The following CACNA1D variants were observed in gnomAD, a reference collection of about 807,000 sequenced individuals.
CACNA1D encodes the protein calcium voltage-gated channel subunit alpha1 D, also known as voltage-dependent L-type calcium channel subunit alpha-1D.
Under a neutral mutation model 257.1 loss-of-function variants are expected in CACNA1D, and 55 were observed. That is an observed-to-expected ratio of 0.21 (90% CI 0.17 to 0.27). The LOEUF is 0.27. Ranked by LOEUF, CACNA1D falls within the 10% of genes least tolerant of loss-of-function variation. CACNA1D has a pLI of 1.00. For missense variants in CACNA1D, 1,876 were observed against 2,784.0 expected, an observed-to-expected ratio of 0.67 and a Z score of 7.34; for synonymous variants, 980 against 1,014.9, an observed-to-expected ratio of 0.97 and a Z score of 0.65.
At chr3:53,658,056 A>G (rs780594663) in intron 4 of CACNA1D, among the ~76,000 whole-genome samples, 3 of 152,206 alleles carry the variant, frequency 2.0e-5, no homozygotes, top group Non-Finnish European at 4.4e-5. Context: ...GTGACTCCTC[A>G]TTCTGGTGCT....
chr3:53,775,725 A>G (rs1409246572), intron 34 of CACNA1D, among the ~76,000 whole-genome samples, 161 bp from the exon 35 acceptor site: 2 of 152,246 alleles, frequency 1.3e-5, no homozygotes, highest in East Asian at 1.9e-4. Flanking sequence ...GATAAGTTGC[A>G]CGTGAAAATC....
At chr3:53,516,884 T>G (rs1449911909) in intron 3 of CACNA1D, among the ~76,000 whole-genome samples, 3 of 152,208 alleles carry the variant, frequency 2.0e-5, no homozygotes, top group Non-Finnish European at 4.4e-5. Flanking sequence ...ACCCATAAGA[T>G]GACAAATGAG....
chr3:53,608,209 T>C (rs2093537825), intron 3 of CACNA1D, among the ~76,000 whole-genome samples: 1 of 152,222 alleles, frequency 6.6e-6, no homozygotes, highest in African/African-American at 2.4e-5. Context: ...TCAAATGTTT[T>C]GCATAATTTT....
chr3:53,676,631 A>G (rs1294868714), intron 8 of CACNA1D, among the ~76,000 whole-genome samples: 2 of 152,218 alleles, frequency 1.3e-5, no homozygotes, highest in Non-Finnish European at 2.9e-5. Context: ...TCTGTCAGCC[A>G]TTTGGAAATA....
chr3:53,564,074 T>A (rs1465761177), intron 3 of CACNA1D, among the ~76,000 whole-genome samples: 1 of 152,262 alleles, frequency 6.6e-6, no homozygotes, highest in Non-Finnish European at 1.5e-5. Flanking sequence ...ATTTCTGTGA[T>A]GACTAATGAG....
chr3:53,709,764 A>G (rs2094730352), intron 9 of CACNA1D, among the ~76,000 whole-genome samples: 1 of 152,204 alleles, frequency 6.6e-6, no homozygotes, highest in African/African-American at 2.4e-5. Context: ...TAGTGATGAC[A>G]GTAGTGGTGG....
intron 45 of CACNA1D, among the ~76,000 whole-genome samples, chr3:53,806,875 C>T (rs909614690): frequency 7.2e-5 from 11 of 152,198 alleles, no homozygotes; most frequent in African/African-American, 2.7e-4. Flanking sequence ...TGATGGCCCT[C>T]GCCCTTGTGA....
intron 28 of CACNA1D, among the ~76,000 whole-genome samples, chr3:53,752,231 C>T (rs2095232107): frequency 6.6e-6 from 1 of 152,152 alleles, no homozygotes; most frequent in Non-Finnish European, 1.5e-5. Flanking sequence ...TCTGGAGATA[C>T]ACAGCTGTTT....
At chr3:53,688,343 G>A (rs578051541) in intron 8 of CACNA1D, among the ~76,000 whole-genome samples, 1 of 152,344 alleles carries the variant, frequency 6.6e-6, no homozygotes, top group South Asian at 2.1e-4. Context: ...GGGGTCAGAA[G>A]TGCTGGCCCG....
intron 26 of CACNA1D, among the ~76,000 whole-genome samples, chr3:53,747,923 C>G (rs2095187019): frequency 2.6e-5 from 4 of 152,330 alleles, no homozygotes; most frequent in Middle Eastern, 3.4e-3. Flanking sequence ...TGTCTCCCCA[C>G]CCGTTAAAAA....
intron 3 of CACNA1D, among the ~76,000 whole-genome samples, chr3:53,611,091 T>C (rs2093577630): frequency 6.6e-6 from 1 of 152,212 alleles, no homozygotes; most frequent in African/African-American, 2.4e-5. Flanking sequence ...GTCAGAACTT[T>C]CTTTTGGCCA....
intron 3 of CACNA1D, among the ~76,000 whole-genome samples, chr3:53,568,802 AC>A (rs2092894238): frequency 6.6e-6 from 1 of 152,168 alleles, no homozygotes; most frequent in South Asian, 2.1e-4. Context: ...ATGGCTAAAT[AC>A]TTTAAATTAT....
chr3:53,513,338 A>G (rs572305627), intron 3 of CACNA1D, among the ~76,000 whole-genome samples: 2 of 152,334 alleles, frequency 1.3e-5, no homozygotes, highest in Admixed American at 1.3e-4. Flanking sequence ...TAGCACAATT[A>G]CTTTATTTTA....
chr3:53,637,596 T>C (rs1053912395), intron 3 of CACNA1D, among the ~76,000 whole-genome samples: 1 of 152,190 alleles, frequency 6.6e-6, no homozygotes, highest in African/African-American at 2.4e-5. Context: ...GAATTGCCTG[T>C]GGAAAGGCCT....
Position 53,673,255 on chromosome 3 carries a change from T to C in CACNA1D, c.1220+129T>C, listed in dbSNP as rs2094343195. The C allele has an allele frequency of 1.5e-6, 1 of 647,034 alleles. No individual in the cohort carries two copies. The highest frequency in any genetic ancestry group is 2.8e-6 in the Non-Finnish European group (1 of 363,392). 40.1% of individuals were successfully genotyped at this position (647,034 alleles called of 1,614,324 possible). ...TTTATGTGTCCTCTGAGATGCTTTCTTTTCTGCTGAGGCTTCCCAAATCAA... is the reference window on the plus strand; with the variant it reads ...TTTATGTGTCCTCTGAGATGCTTTCCTTTCTGCTGAGGCTTCCCAAATCAA... On this transcript the variant is annotated intron_variant, in intron 8 of 47. Transcript: ENST00000350061. The surrounding 1 kb of genome is among the most constrained non-coding windows in gnomAD (Gnocchi z 4.1).
chr3:53,756,758 T>C (rs2095267670), intron 29 of CACNA1D, among the ~76,000 whole-genome samples: 1 of 152,218 alleles, frequency 6.6e-6, no homozygotes, highest in Non-Finnish European at 1.5e-5. Flanking sequence ...TTTTTCAAAG[T>C]GCTGGCTGCA....
At chr3:53,796,322 T>C in intron 40 of CACNA1D, 1 of 456,038 alleles carries the variant, frequency 2.2e-6, no homozygotes, top group South Asian at 1.5e-5. Flanking sequence ...TCTCAAAGCC[T>C]GGCGCTTGTA....
At chr3:53,665,542 C>A (rs2094253075) in intron 5 of CACNA1D, 118 bp from the exon 6 acceptor site, 2 of 811,128 alleles carry the variant, frequency 2.5e-6, no homozygotes, top group South Asian at 3.0e-5. Flanking sequence ...CTTTGAAATA[C>A]CTCTTTGAAT....
chr3:53,495,025 C>A lies in CACNA1D; in HGVS notation c.-142C>A. ...TTATTTTCTGTTATTTGTCCCCGTC[C>A]CTCCCCACCCCCCTGCTGAAGCGAG... On this transcript the variant is annotated 5_prime_UTR_variant, in exon 1 of 48. Transcript: ENST00000350061. This position sits in a 1 kb window ranked among gnomAD's most constrained non-coding sequence, Gnocchi z 5.1. 1 of 487,810 alleles carries A rather than the reference C, an allele frequency of 2.0e-6. No homozygotes were observed. The highest frequency in any genetic ancestry group is 5.3e-5 in the East Asian group (1 of 18,854). 30.2% of individuals were successfully genotyped at this position (487,810 alleles called of 1,614,324 possible). A position where few individuals can be genotyped will look rare whatever the true frequency, so the allele number is the denominator to read the frequency against.
Sources: gnomAD v4.1 joint callset for allele counts (sites outside exome capture counted in the v4.1 genomes callset) on GRCh38, gnomAD v4.1.1 for gene constraint, Gnocchi (gnomAD v3.1) non-coding constraint, MANE v1.5 for transcripts, NCBI Gene and HGNC (gene_info 2026-07-23, HGNC 2026-07-21) for gene names.